BRCA1: variants seen among roughly 807,000 people sequenced by gnomAD.
The protein encoded by BRCA1 is breast cancer type 1 susceptibility protein.
In BRCA1, 140 loss-of-function variants were observed where a neutral mutation model predicts 173.7. The observed-to-expected ratio is 0.81, with a 90% CI of 0.70 to 0.93. The LOEUF (loss-of-function observed/expected upper bound fraction) is 0.93, where lower values mean the gene tolerates loss of function less well. Ranked by LOEUF, BRCA1 falls within the 40% of genes least tolerant of loss-of-function variation. The pLI, the probability that BRCA1 is intolerant of heterozygous loss-of-function variation, is 0.00. For missense variants in BRCA1, 1,983 were observed against 2,172.5 expected, an observed-to-expected ratio of 0.91 and a Z score of 1.73; for synonymous variants, 662 against 756.0, an observed-to-expected ratio of 0.88 and a Z score of 2.04.
intron 1 of BRCA1, chr17:43,145,144 G>T: frequency 1.4e-6 from 1 of 708,910 alleles, no homozygotes; most frequent in South Asian, 1.4e-5. Flanking sequence ...AAAACAGGCC[G>T]AAGTGGCTAA....
Position 43,063,359 on chromosome 17 carries a change from T to C in BRCA1, c.5167A>G (p.Ile1723Val), listed in dbSNP as rs1426821558. Residue 1723 changes from isoleucine to valine, a missense_variant, in exon 18 of 23, where the codon ATT becomes GTT. Physicochemically the swap from Ile to Val is conservative, Grantham distance 29. Transcript: ENST00000357654. Reference protein sequence around the residue: ...VVSYFWVTQSIKERKMLNEHD... With the variant: ...VVSYFWVTQSVKERKMLNEHD... The stretch of plus-strand genomic sequence containing the variant: ...TCATTCAGCATTTTTCTTTCTTTAA[T>C]AGACTGGGTCACCCCTAAAGAGATC... The C allele has an allele frequency of 6.2e-7, 1 of 1,611,708 alleles. No individual in the cohort carries two copies. Among genetic ancestry groups the C allele is most frequent in the Non-Finnish European group, 8.5e-7 (1 of 1,177,918 alleles).
intron 1 of BRCA1, chr17:43,142,631 G>A (rs2056083246): frequency 6.6e-6 from 1 of 152,180 alleles, no homozygotes; most frequent in South Asian, 2.1e-4. Context: ...TGGATTGCTG[G>A]GCTAAATCAT....
upstream of BRCA1, among the ~76,000 whole-genome samples, chr17:43,128,614 A>G (rs1178390253): frequency 6.6e-6 from 1 of 152,164 alleles, no homozygotes. Context: ...TGGTGACACT[A>G]TCTTGGGAAC....
In BRCA1 at chr17:43,076,474, T is replaced by C. The variant is rs80358022; in HGVS notation, c.4484+14A>G. The C allele has an allele frequency of 3.0e-4, 483 of 1,613,144 alleles. No homozygotes were observed. The East Asian group carries it at 8.7e-3, about 29-fold the overall frequency. ...TGTCAGATACCACAGCATCTTTACA[T>C]TGATGTTTCTTACCTTTCCACTCCT... On this transcript the variant is annotated intron_variant, in intron 13 of 22. Coordinates refer to ENST00000357654, the MANE Select transcript of BRCA1 (RefSeq NM_007294.4).
intron 19 of BRCA1, among the ~76,000 whole-genome samples, chr17:43,053,160 G>A (rs1319219014): frequency 1.3e-5 from 2 of 151,932 alleles, no homozygotes; most frequent in Admixed American, 6.6e-5. Context: ...TTGTTTTAAG[G>A]GACAGCATCC....
intron 1 of BRCA1, among the ~76,000 whole-genome samples, chr17:43,143,809 C>G (rs1467697760): frequency 6.6e-6 from 1 of 152,172 alleles, no homozygotes; most frequent in Non-Finnish European, 1.5e-5. Flanking sequence ...TTCTGAAATA[C>G]AGTCCCGCAG....
chr17:43,137,551 G>A (rs1350695504), intron 1 of BRCA1, among the ~76,000 whole-genome samples: 2 of 152,056 alleles, frequency 1.3e-5, no homozygotes, highest in African/African-American at 4.8e-5. Context: ...ATACAAGGAT[G>A]TTCAAGGCTC....
intron 6 of BRCA1, among the ~76,000 whole-genome samples, chr17:43,101,549 C>T (rs960204210): frequency 1.3e-5 from 2 of 152,056 alleles, no homozygotes; most frequent in Non-Finnish European, 2.9e-5. Flanking sequence ...ACGGCCCAGG[C>T]TGGAGTGCAG....
upstream of BRCA1, among the ~76,000 whole-genome samples, chr17:43,127,180 G>A (rs377605733): frequency 4.1e-4 from 63 of 152,338 alleles, no homozygotes; most frequent in South Asian, 1.7e-3. Flanking sequence ...CGGTCCCATC[G>A]ACTGCCCAAG....
chr17:43,072,730 A>G (rs539167487), intron 14 of BRCA1, among the ~76,000 whole-genome samples: 2 of 151,608 alleles, frequency 1.3e-5, no homozygotes, highest in Non-Finnish European at 2.9e-5. Flanking sequence ...AAGCCTGGCT[A>G]ATTTTGTATT....
chr17:43,104,067 AAAG>A (rs1567809775), intron 6 of BRCA1, 52 bp downstream of exon 6: 1 of 812,396 alleles, frequency 1.2e-6, no homozygotes, highest in Admixed American at 2.8e-5. Flanking sequence ...CAAAAAAAAA[AAAG>A]AAAAAAAAAA....
chr17:43,101,517 T>C (rs2054474240), intron 6 of BRCA1, among the ~76,000 whole-genome samples: 1 of 152,102 alleles, frequency 6.6e-6, no homozygotes, highest in Admixed American at 6.5e-5. Context: ...TTTTTTTCTT[T>C]TTTGAGACAG....
At chr17:43,054,686 C>G (rs1482708096) in intron 19 of BRCA1, among the ~76,000 whole-genome samples, 1 of 151,994 alleles carries the variant, frequency 6.6e-6, no homozygotes, top group Non-Finnish European at 1.5e-5. Flanking sequence ...AGTGATCCTC[C>G]TGCCTTGGCC....
chr17:43,125,061 A>G (rs1056726425), intron 1 of BRCA1: 5 of 435,404 alleles, frequency 1.1e-5, no homozygotes, highest in Admixed American at 2.4e-5. Context: ...CCCCACGGAC[A>G]CTCAGTGCCC....
In BRCA1 at chr17:43,098,424, T is replaced by C. The variant is rs145668291; in HGVS notation, c.548-1135A>G. Among the ~76,000 whole-genome samples the C allele has an allele frequency of 4.0e-3, 605 of 152,206 alleles. 5 individuals carry two copies. Among genetic ancestry groups the C allele is most frequent in the African/African-American group, 0.014 (581 of 41,550 alleles). On this transcript the variant is annotated intron_variant, in intron 7 of 22. Coordinates refer to ENST00000357654, the MANE Select transcript of BRCA1 (RefSeq NM_007294.4). Reference sequence around the variant, plus strand: ...CCCAGGCTGGAGTGCAGTGGTGTAGTGTTGGCTCATTGTAACCTCCGCCTC... The same window carrying C: ...CCCAGGCTGGAGTGCAGTGGTGTAGCGTTGGCTCATTGTAACCTCCGCCTC...
intron 16 of BRCA1, among the ~76,000 whole-genome samples, chr17:43,066,707 C>G (rs530579306): frequency 1.3e-5 from 2 of 151,770 alleles, no homozygotes; most frequent in East Asian, 3.9e-4. Context: ...CCGCGTCCAG[C>G]TGCCTCACTT....
chr17:43,162,857 CCT>C (rs2056245312), intron 1 of BRCA1: 2 of 152,014 alleles, frequency 1.3e-5, no homozygotes. Context: ...TCCACGTACC[CCT>C]CACAGTCTAC....
chr17:43,099,806 T>C lies in BRCA1; in HGVS notation c.516A>G (p.Gln172=), dbSNP rs752940034. ...CAATGTAGACAGACGTCTTTTGAGG[T>C]TGTATCCGCTGCTTTGTCCTCAGAG... ...VRTLRTKQRI[Q]PQKTSVYIEL... Residue 172 remains glutamine (Q), a synonymous_variant, in exon 7 of 23, where the codon CAA becomes CAG. Transcript: ENST00000357654. The C allele has an allele frequency of 1.2e-6, 2 of 1,613,260 alleles. No individual in the cohort carries two copies. The highest frequency in any genetic ancestry group is 4.5e-5 in the East Asian group (2 of 44,876).
Position 43,052,001 on chromosome 17 carries a change from T to C in BRCA1, c.5278-884A>G, listed in dbSNP as rs113892722. ...CTTCTCACTACTCTGAGAATGGCCA[T>C]TGTATCTTTAGGCCACCTAAGCAGT... On this transcript the variant is annotated intron_variant, in intron 19 of 22. Transcript: ENST00000357654. 4.7e-3 allele frequency among the ~76,000 whole-genome samples: 714 copies of C among 152,292 alleles called. 10 individuals are homozygous for C. Among genetic ancestry groups the C allele is most frequent in the African/African-American group, 0.016 (661 of 41,552 alleles).
Sources: gnomAD v4.1 joint callset for allele counts (sites outside exome capture counted in the v4.1 genomes callset) on GRCh38, gnomAD v4.1.1 for gene constraint, MANE v1.5 for transcripts, NCBI Gene and HGNC (gene_info 2026-07-23, HGNC 2026-07-21) for gene names.